TBC1D22A: variants seen among roughly 807,000 people sequenced by gnomAD.
TBC1D22A encodes the protein putative GTPase activator.
Under a neutral mutation model 60.2 loss-of-function variants are expected in TBC1D22A, and 38 were observed. That is an observed-to-expected ratio of 0.63 (90% CI 0.49 to 0.83). The LOEUF (loss-of-function observed/expected upper bound fraction) is 0.83. TBC1D22A is among the 40% of genes least tolerant of loss of function. TBC1D22A has a pLI of 0.00. For missense variants in TBC1D22A, 628 were observed against 701.0 expected, an observed-to-expected ratio of 0.90 and a Z score of 1.18; for synonymous variants, 302 against 281.7, an observed-to-expected ratio of 1.07 and a Z score of -0.72.
intron 4 of TBC1D22A, among the ~76,000 whole-genome samples, chr22:46,844,524 G>T (rs1292321232): frequency 6.6e-6 from 1 of 152,326 alleles, no homozygotes; most frequent in South Asian, 2.1e-4. Context: ...TCAGCTTGAC[G>T]TGGTGGGACA....
chr22:47,166,416 C>G (rs963038131), intron 12 of TBC1D22A, among the ~76,000 whole-genome samples: 2 of 152,208 alleles, frequency 1.3e-5, no homozygotes, highest in African/African-American at 4.8e-5. Flanking sequence ...ATCATTTGAA[C>G]CTAGAATCAA....
rs140624049 is a variant in TBC1D22A, at chr22:46,992,509, C to T, written c.1126-5125C>T. Among the ~76,000 whole-genome samples the T allele has an allele frequency of 3.3e-3, 509 of 152,350 alleles. 4 individuals carry two copies. The highest frequency in any genetic ancestry group is 0.02 in the Middle Eastern group (6 of 294). On this transcript the variant is annotated intron_variant, in intron 9 of 12. Transcript: ENST00000337137. ...CAGTCAGGGAATCGTGGGAACTCTC[C>T]TGAAACCCACATTCTAGGCACCGGC...
rs957663692 is a variant in TBC1D22A at position 47,132,278 on chromosome 22, C to T, written c.1425+20675C>T. Among the ~76,000 whole-genome samples the T allele has an allele frequency of 3.9e-5, 6 of 152,312 alleles. No individual in the cohort carries two copies. The South Asian group carries it at 1.2e-3, about 32-fold the overall frequency. ...CCCATGTTCCTGAGCCCTCTTCTGG[C>T]CCCGTGCCACCCCGTTCTTCTGGGA... On this transcript the variant is annotated intron_variant, in intron 12 of 12. Transcript: ENST00000337137.
chr22:46,883,141 C>T (rs3091395), intron 5 of TBC1D22A, among the ~76,000 whole-genome samples: 112,183 of 152,116 alleles, frequency 0.74, 41,537 homozygotes, highest in Middle Eastern at 0.87. Flanking sequence ...ACTTAAACAT[C>T]GAACATTTGC....
chr22:46,895,367 G>GT (rs1007621927), intron 7 of TBC1D22A, among the ~76,000 whole-genome samples: 42 of 151,044 alleles, frequency 2.8e-4, no homozygotes, highest in Non-Finnish European at 4.4e-4. Context: ...TCTGCCTCTT[G>GT]TTTTTTTTTC....
At chr22:46,857,436 G>T (rs1159976140) in intron 4 of TBC1D22A, among the ~76,000 whole-genome samples, 1 of 152,236 alleles carries the variant, frequency 6.6e-6, no homozygotes, top group Non-Finnish European at 1.5e-5. Flanking sequence ...TGAGAAGGTA[G>T]TTGGGGTTAT....
chr22:47,056,705 C>G (rs868437248), intron 11 of TBC1D22A, among the ~76,000 whole-genome samples: 4 of 152,222 alleles, frequency 2.6e-5, no homozygotes, highest in African/African-American at 9.6e-5. Flanking sequence ...GGACCCAGGC[C>G]TTCTGTCCTA....
At chr22:47,080,292 A>G (rs916975264) in intron 11 of TBC1D22A, among the ~76,000 whole-genome samples, 4 of 152,222 alleles carry the variant, frequency 2.6e-5, no homozygotes, top group African/African-American at 9.6e-5. Flanking sequence ...ACATTTATAG[A>G]ATACTACATT....
chr22:47,155,241 A>G (rs979858104), intron 12 of TBC1D22A, among the ~76,000 whole-genome samples: 1 of 151,890 alleles, frequency 6.6e-6, no homozygotes, highest in African/African-American at 2.4e-5. Flanking sequence ...ATGAATTACA[A>G]GGACAGTATA....
Position 47,173,479 on chromosome 22 carries a change from C to A in TBC1D22A, c.1426-19C>A. 6.2e-7 allele frequency: 1 copy of A among 1,613,458 alleles called. No individual in the cohort carries two copies. The highest frequency in any genetic ancestry group is 1.1e-5 in the South Asian group (1 of 91,064). ...CGTGGGTCACCTCCTCTGACCTGGG[C>A]TTGTCTCTTTCTCCCCAGGAGCTGC... On this transcript the variant is annotated intron_variant, in intron 12 of 12. Coordinates refer to ENST00000337137, the MANE Select transcript of TBC1D22A (RefSeq NM_014346.5).
chr22:46,895,051 A>C (rs953473561), intron 7 of TBC1D22A, among the ~76,000 whole-genome samples: 1 of 152,230 alleles, frequency 6.6e-6, no homozygotes, highest in Non-Finnish European at 1.5e-5. Context: ...TAATATTGAC[A>C]CACAGCGAAG....
rs528132472 is a variant in TBC1D22A, at chr22:47,026,430, G to A, written c.1202-10641G>A. On this transcript the variant is annotated intron_variant, in intron 10 of 12. Coordinates refer to ENST00000337137, the MANE Select transcript of TBC1D22A (RefSeq NM_014346.5). ...CATTTATTCGTACATACATAGAAATGTAAGTGGCATCTAGACCAAAAAGGA... is the reference window on the plus strand; with the variant it reads ...CATTTATTCGTACATACATAGAAATATAAGTGGCATCTAGACCAAAAAGGA... 4.6e-5 allele frequency among the ~76,000 whole-genome samples: 7 copies of A among 152,310 alleles called. No individual in the cohort carries two copies. The South Asian group carries it at 8.3e-4, about 18-fold the overall frequency.
intron 1 of TBC1D22A, among the ~76,000 whole-genome samples, chr22:46,766,462 A>G (rs1295464607): frequency 6.6e-6 from 1 of 152,088 alleles, no homozygotes; most frequent in Non-Finnish European, 1.5e-5. Flanking sequence ...TGCAGCCCTC[A>G]TCTCAAGGAA....
intron 10 of TBC1D22A, among the ~76,000 whole-genome samples, chr22:47,032,922 G>C (rs1055342488): frequency 6.6e-6 from 1 of 152,256 alleles, no homozygotes; most frequent in Non-Finnish European, 1.5e-5. Flanking sequence ...GTCCCAGGCT[G>C]CCCTGTGTGG....
At chr22:47,026,314 A>G (rs578160264) in intron 10 of TBC1D22A, among the ~76,000 whole-genome samples, 38 of 152,310 alleles carry the variant, frequency 2.5e-4, no homozygotes, top group African/African-American at 8.2e-4. Context: ...TTTCCCCCCA[A>G]ATCGGAAACC....
At chr22:47,163,094 C>T (rs1368318835) in intron 12 of TBC1D22A, among the ~76,000 whole-genome samples, 1 of 152,210 alleles carries the variant, frequency 6.6e-6, no homozygotes, top group African/African-American at 2.4e-5. Context: ...GGCAGGCGTG[C>T]CAGTGGCCAG....
chr22:47,084,748 T>A (rs192536188), intron 11 of TBC1D22A, among the ~76,000 whole-genome samples: 293 of 152,308 alleles, frequency 1.9e-3, no homozygotes, highest in Admixed American at 3.2e-3. Context: ...TAGTTTATGC[T>A]TATCTTTATC....
chr22:47,086,796 G>A (rs879283324), intron 11 of TBC1D22A, among the ~76,000 whole-genome samples: 28 of 152,154 alleles, frequency 1.8e-4, no homozygotes, highest in African/African-American at 6.5e-4. Context: ...GAGCACAGAC[G>A]GGTGGTTCAC....
At chr22:46,983,715 T>G (rs943204910) in intron 9 of TBC1D22A, among the ~76,000 whole-genome samples, 2 of 151,696 alleles carry the variant, frequency 1.3e-5, no homozygotes, top group Non-Finnish European at 2.9e-5. Context: ...TTTTTATATT[T>G]TATTTTTTTT....
Sources: gnomAD v4.1 joint callset for allele counts (sites outside exome capture counted in the v4.1 genomes callset) on GRCh38, gnomAD v4.1.1 for gene constraint, MANE v1.5 for transcripts, NCBI Gene and HGNC (gene_info 2026-07-23, HGNC 2026-07-21) for gene names.